ARHGAP21: variants seen among roughly 807,000 people sequenced by gnomAD.
ARHGAP21 encodes Rho GTPase activating protein 21.
Under a neutral mutation model 164.6 loss-of-function variants are expected in ARHGAP21, and 38 were observed. The observed-to-expected ratio is 0.23, with a 90% confidence interval of 0.18 to 0.30. The LOEUF (loss-of-function observed/expected upper bound fraction) is 0.30. Ranked by LOEUF, ARHGAP21 falls within the 10% of genes least tolerant of loss-of-function variation. ARHGAP21 has a pLI of 1.00. For synonymous variants in ARHGAP21, 766 were observed against 857.9 expected (o/e 0.89, Z 1.87); for missense variants, 1,822 against 2,370.7 (o/e 0.77, Z 4.81).
At chr10:24,642,646 C>A (rs1488437520) in intron 4 of ARHGAP21, among the ~76,000 whole-genome samples, 1 of 151,878 alleles carries the variant, frequency 6.6e-6, no homozygotes, top group Non-Finnish European at 1.5e-5. Context: ...TTCCTAAATA[C>A]CTACTTAACA....
chr10:24,676,701 C>T (rs926713057), intron 2 of ARHGAP21, among the ~76,000 whole-genome samples: 1 of 152,156 alleles, frequency 6.6e-6, no homozygotes, highest in Non-Finnish European at 1.5e-5. Flanking sequence ...AAAAAAAGAA[C>T]TTAGGATTTG....
intron 3 of ARHGAP21, 65 bp downstream of exon 3, chr10:24,670,153 G>C: frequency 2.6e-6 from 3 of 1,173,526 alleles, no homozygotes; most frequent in East Asian, 2.6e-5. Flanking sequence ...GTAAGAGGAA[G>C]ACTAGAAGGG....
At chr10:24,656,285 A>T (rs1838901291) in intron 4 of ARHGAP21, among the ~76,000 whole-genome samples, 3 of 89,214 alleles carry the variant, frequency 3.4e-5, no homozygotes, top group African/African-American at 5.0e-5. Context: ...GGCCGCCCCT[A>T]CTGGGAAGTG....
In ARHGAP21 at chr10:24,619,831, G is replaced by C. The variant is rs1408005308; in HGVS notation, c.2064C>G (p.Ala688=). The C allele has an allele frequency of 1.9e-6, 3 of 1,614,168 alleles. No homozygotes were observed. Residue 688 remains alanine, a synonymous_variant, in exon 9 of 26, where the codon GCC becomes GCG. Coordinates refer to ENST00000396432, the MANE Select transcript of ARHGAP21 (RefSeq NM_020824.4). ...TCGACTGAGGGGCAGGCTTGGCAGA[G>C]GCTCCAGATAAAGAGGGGGATTTCC... ...ETGKSPSLSG[A]SAKPAPQSSE...
At chr10:24,595,326 T>TGTAA (rs2076531904) in intron 19 of ARHGAP21, 136 bp from the exon 20 acceptor site, 2 of 814,096 alleles carry the variant, frequency 2.5e-6, no homozygotes, top group East Asian at 2.7e-5. Context: ...ATTTCTAAAA[T>TGTAA]GTAAGTTCCC....
chr10:24,670,876 T>C (rs1840633809), intron 2 of ARHGAP21, among the ~76,000 whole-genome samples: 1 of 152,152 alleles, frequency 6.6e-6, no homozygotes, highest in African/African-American at 2.4e-5. Flanking sequence ...ACGAATTCAA[T>C]ATCCACATAG....
chr10:24,597,710 G>T, intron 15 of ARHGAP21, 127 bp from the exon 16 acceptor site: 2 of 1,403,696 alleles, frequency 1.4e-6, no homozygotes, highest in Non-Finnish European at 1.9e-6. Context: ...CAATTCATAA[G>T]CTTTCAATTT....
chr10:24,590,939 T>TACTCAG, intron 24 of ARHGAP21: 3 of 901,538 alleles, frequency 3.3e-6, no homozygotes, highest in Non-Finnish European at 3.9e-6. Flanking sequence ...AAACTGTGAA[T>TACTCAG]TAAAAAAAAA....
intron 2 of ARHGAP21, among the ~76,000 whole-genome samples, chr10:24,689,405 A>G (rs1263126187): frequency 6.6e-6 from 1 of 152,178 alleles, no homozygotes. Context: ...TTATGTCAAT[A>G]CTTCGAGACA....
At chr10:24,597,364 A>C in intron 16 of ARHGAP21, 83 bp downstream of exon 16, 3 of 1,518,218 alleles carry the variant, frequency 2.0e-6, no homozygotes, top group Non-Finnish European at 2.7e-6. Context: ...GGTCAGTAGA[A>C]ATGGTACAGA....
At chr10:24,635,552 G>A (rs946498968) in intron 4 of ARHGAP21, among the ~76,000 whole-genome samples, 1 of 152,022 alleles carries the variant, frequency 6.6e-6, no homozygotes, top group Non-Finnish European at 1.5e-5. Flanking sequence ...GTTTTGTTTT[G>A]TTTTGTTTTT....
At chr10:24,662,964 ATTT>A (rs5783902) in intron 4 of ARHGAP21, among the ~76,000 whole-genome samples, 1 of 145,640 alleles carries the variant, frequency 6.9e-6, no homozygotes, top group African/African-American at 2.5e-5. Context: ...AGATATGCGG[ATTT>A]TTTTTTTTTT....
At chr10:24,591,451 T>G in intron 23 of ARHGAP21, 121 bp from the exon 24 acceptor site, 1 of 1,106,844 alleles carries the variant, frequency 9.0e-7, no homozygotes. Context: ...TGTGTTTACA[T>G]TGTTTACGCA....
At chr10:24,591,376 C>G in intron 23 of ARHGAP21, 46 bp from the exon 24 acceptor site, 1 of 1,494,414 alleles carries the variant, frequency 6.7e-7, no homozygotes, top group Non-Finnish European at 9.2e-7. Flanking sequence ...TTCAAAGATA[C>G]TTTCTTTAAA....
At chr10:24,622,407 A>G (rs1012661060) in intron 8 of ARHGAP21, among the ~76,000 whole-genome samples, 4 of 145,346 alleles carry the variant, frequency 2.8e-5, no homozygotes, top group Non-Finnish European at 6.0e-5. Flanking sequence ...TAGTAGTGAC[A>G]GGAAGAGGGT....
At chr10:24,671,089 C>T (rs1840657293) in intron 2 of ARHGAP21, among the ~76,000 whole-genome samples, 1 of 152,032 alleles carries the variant, frequency 6.6e-6, no homozygotes, top group South Asian at 2.1e-4. Context: ...GCTGACTCTA[C>T]CACCCTTTCC....
intron 17 of ARHGAP21, 91 bp from the exon 18 acceptor site, chr10:24,596,134 G>C: frequency 1.7e-6 from 2 of 1,142,946 alleles, no homozygotes; most frequent in Non-Finnish European, 2.4e-6. Flanking sequence ...CATCCAAAAG[G>C]AAACATAAAT....
intron 24 of ARHGAP21, chr10:24,590,301 G>A (rs888545531): frequency 6.5e-7 from 1 of 1,534,070 alleles, no homozygotes; most frequent in Non-Finnish European, 8.7e-7. Context: ...ATAATCTTAT[G>A]AGAAACTTTA....
At chr10:24,662,570 CA>C (rs1839815617) in intron 4 of ARHGAP21, among the ~76,000 whole-genome samples, 1 of 152,170 alleles carries the variant, frequency 6.6e-6, no homozygotes, top group Non-Finnish European at 1.5e-5. Flanking sequence ...ACCACTCTCC[CA>C]ACCCACTCCC....
Sources: allele counts gnomAD v4.1 joint callset (sites outside exome capture counted in the v4.1 genomes callset), GRCh38; gene constraint gnomAD v4.1.1; transcripts MANE v1.5; gene names NCBI Gene and HGNC (gene_info 2026-07-23, HGNC 2026-07-21).